The following PLEKHA1 variants were observed in gnomAD, a reference collection of about 807,000 sequenced individuals.
PLEKHA1 encodes pleckstrin homology domain containing A1, also known as pleckstrin homology domain-containing family A member 1.
Under a neutral mutation model 52.0 loss-of-function variants are expected in PLEKHA1, and 34 were observed. That is an observed-to-expected ratio of 0.65 (90% CI 0.50 to 0.87). The LOEUF is 0.87. PLEKHA1 is among the 40% of genes least tolerant of loss of function. The pLI is 0.00. For synonymous variants in PLEKHA1, 163 were observed against 170.7 expected (o/e 0.95, Z 0.35); for missense variants, 497 against 504.2 (o/e 0.99, Z 0.14).
intron 9 of PLEKHA1, 76 bp downstream of exon 9, chr10:122,424,339 T>TA: frequency 7.0e-7 from 1 of 1,427,858 alleles, no homozygotes; most frequent in African/African-American, 1.5e-5. Flanking sequence ...GTAATGTACT[T>TA]ACAGATTACA....
chr10:122,413,944 G>A (rs905159902), intron 6 of PLEKHA1, among the ~76,000 whole-genome samples: 1 of 152,022 alleles, frequency 6.6e-6, no homozygotes, highest in African/African-American at 2.4e-5. Flanking sequence ...TTTGCTACGG[G>A]AGGGTGATTA....
rs1265429342 is a variant in PLEKHA1, at chr10:122,424,277, C to G, written c.746+14C>G. The G allele has an allele frequency of 1.3e-6, 2 of 1,586,116 alleles. No homozygotes were observed. Among genetic ancestry groups the G allele is most frequent in the African/African-American group, 1.4e-5 (1 of 72,494 alleles). ...ATGTAAGCAAAGGTAAGGAACCGCTCTGACTTGATGCCTGGCACAAGTTAT... is the reference window on the plus strand; with the variant it reads ...ATGTAAGCAAAGGTAAGGAACCGCTGTGACTTGATGCCTGGCACAAGTTAT... On this transcript the variant is annotated intron_variant, in intron 9 of 11. Coordinates refer to ENST00000368990, the MANE Select transcript of PLEKHA1 (RefSeq NM_001001974.4).
rs1433653911 is a variant in PLEKHA1, at chr10:122,432,227, CAT to C, written c.*2290_*2291del. The C allele has an allele frequency of 2.6e-5, 4 of 152,134 alleles. No homozygotes were observed. Among genetic ancestry groups the C allele is most frequent in the South Asian group, 2.1e-4 (1 of 4,834 alleles). 9.4% of individuals were successfully genotyped at this position (152,134 alleles called of 1,614,324 possible). A position where few individuals can be genotyped will look rare whatever the true frequency, so the allele number is the denominator to read the frequency against. On this transcript the variant is annotated 3_prime_UTR_variant, in exon 12 of 12. Transcript: ENST00000368990. ...GCTGCATTTTTTTCCGTATATATAA[CAT>C]GTCTTCTTTCAGAATGGGAATATAT...
chr10:122,400,634 T>C (rs540764642), intron 4 of PLEKHA1, among the ~76,000 whole-genome samples: 3 of 152,334 alleles, frequency 2.0e-5, no homozygotes, highest in East Asian at 3.9e-4. Flanking sequence ...GTAACTGTTA[T>C]TTTGGCATTT....
At chr10:122,401,434 A>C (rs545750376) in intron 4 of PLEKHA1, among the ~76,000 whole-genome samples, 13 of 152,142 alleles carry the variant, frequency 8.5e-5, no homozygotes, top group African/African-American at 3.1e-4. Flanking sequence ...GGTGGTGGCA[A>C]TAGGAGAAGG....
chr10:122,381,932 A>C (rs555684946), intron 1 of PLEKHA1, among the ~76,000 whole-genome samples: 146 of 152,292 alleles, frequency 9.6e-4, no homozygotes, highest in Non-Finnish European at 1.9e-3. Context: ...TGGAGATAAC[A>C]GTCTGGAAGT....
chr10:122,380,880 G>C (rs2096605518), intron 1 of PLEKHA1, among the ~76,000 whole-genome samples: 1 of 152,102 alleles, frequency 6.6e-6, no homozygotes, highest in Non-Finnish European at 1.5e-5. Flanking sequence ...TTGCACTGAA[G>C]AGTTTTGAGC....
At chr10:122,420,250 A>G (rs1442791889) in intron 8 of PLEKHA1, 3 of 152,230 alleles carry the variant, frequency 2.0e-5, no homozygotes, top group African/African-American at 7.2e-5. Flanking sequence ...AACTATAACC[A>G]GTTTATCTTG....
rs1282395442 is a variant in PLEKHA1 at position 122,432,195 on chromosome 10, A to C, written c.*2257A>C. The C allele has an allele frequency of 6.6e-6, 1 of 152,200 alleles. No homozygotes were observed. Among genetic ancestry groups the C allele is most frequent in the African/African-American group, 2.4e-5 (1 of 41,456 alleles). The allele number at this position is 152,200 out of a possible 1,614,324, so 9.4% of individuals were successfully genotyped here. A position where few individuals can be genotyped will look rare whatever the true frequency, so the allele number is the denominator to read the frequency against. The stretch of plus-strand genomic sequence containing the variant: ...TCAAAAAAATTACTTTGAATACCTT[A>C]ATATTTGCTGCATTTTTTTCCGTAT... On this transcript the variant is annotated 3_prime_UTR_variant, in exon 12 of 12. Coordinates refer to ENST00000368990, the MANE Select transcript of PLEKHA1 (RefSeq NM_001001974.4).
rs199545902 is a variant in PLEKHA1, at chr10:122,402,136, C to CT, written c.244+1756dup. ...TATAATGCACATACTTTTGACAACC[C>CT]TTTTTTTTCTAAAATCTCAAACTTA... On this transcript the variant is annotated intron_variant, in intron 4 of 11. Transcript: ENST00000368990. Among the ~76,000 whole-genome samples the CT allele has an allele frequency of 5.7e-3, 867 of 151,934 alleles. 8 individuals carry two copies. Among genetic ancestry groups the CT allele is most frequent in the African/African-American group, 0.02 (828 of 41,424 alleles).
At chr10:122,390,673 T>G (rs1030413072) in intron 1 of PLEKHA1, among the ~76,000 whole-genome samples, 2 of 152,144 alleles carry the variant, frequency 1.3e-5, no homozygotes, top group African/African-American at 4.8e-5. Context: ...CCCACCTATT[T>G]GGGAGGCTGA....
chr10:122,417,205 T>C (rs1241002694), intron 7 of PLEKHA1: 1 of 152,156 alleles, frequency 6.6e-6, no homozygotes, highest in Non-Finnish European at 1.5e-5. Flanking sequence ...TATAAAGTAC[T>C]TGTGGAAGAA....
chr10:122,417,636 ACT>A (rs1321962547), intron 7 of PLEKHA1, among the ~76,000 whole-genome samples: 4 of 131,718 alleles, frequency 3.0e-5, no homozygotes, highest in South Asian at 2.5e-4. Context: ...ACAGAGCAAG[ACT>A]CTGTCTCAAA....
At chr10:122,428,733 G>A (rs998807291) in intron 11 of PLEKHA1, among the ~76,000 whole-genome samples, 1 of 152,090 alleles carries the variant, frequency 6.6e-6, no homozygotes, top group Non-Finnish European at 1.5e-5. Flanking sequence ...ACTATAGTTT[G>A]CATGGCATTT....
At chr10:122,383,313 G>GTTTTTTTTTTTTTTTTTTTT (rs58485855) in intron 1 of PLEKHA1, among the ~76,000 whole-genome samples, 3 of 128,390 alleles carry the variant, frequency 2.3e-5, no homozygotes, top group Non-Finnish European at 3.3e-5. Flanking sequence ...CTTTCTTTCT[G>GTTTTTTTTTTTTTTTTTTTT]TTTTTTTTTT....
chr10:122,403,843 C>G (rs2096966071), intron 4 of PLEKHA1, among the ~76,000 whole-genome samples: 2 of 152,126 alleles, frequency 1.3e-5, no homozygotes, highest in Non-Finnish European at 2.9e-5. Flanking sequence ...AGGTGCCCAC[C>G]ACCACGCCTG....
rs1023328645 is a variant in PLEKHA1, at chr10:122,402,131, C to G, written c.244+1743C>G. On this transcript the variant is annotated intron_variant, in intron 4 of 11. Transcript: ENST00000368990. The stretch of plus-strand genomic sequence containing the variant: ...GAATGTATAATGCACATACTTTTGA[C>G]AACCCTTTTTTTTCTAAAATCTCAA... Among the ~76,000 whole-genome samples the G allele has an allele frequency of 7.9e-5, 12 of 152,216 alleles. No homozygotes were observed. The East Asian group carries it at 1.3e-3, about 17-fold the overall frequency.
At position 122,406,814 on chromosome 10, in the gene PLEKHA1, G is replaced by A. The variant is rs1590653548; in HGVS notation, c.342+141G>A. 4.6e-5 allele frequency: 30 copies of A among 655,944 alleles called. No individual in the cohort carries two copies. In the South Asian group the frequency reaches 5.8e-4, roughly 13 times the overall value. 40.6% of individuals were successfully genotyped at this position (655,944 alleles called of 1,614,324 possible). A position where few individuals can be genotyped will look rare whatever the true frequency, so the allele number is the denominator to read the frequency against. On this transcript the variant is annotated intron_variant, in intron 5 of 11. Transcript: ENST00000368990. ...TTTAAAAGACAGGTGTTCAGAATGT[G>A]AATATGTTTTCTTGTACTTGGTGAC...
chr10:122,394,683 G>A (rs1212037465), intron 2 of PLEKHA1, among the ~76,000 whole-genome samples: 1 of 152,292 alleles, frequency 6.6e-6, no homozygotes, highest in East Asian at 1.9e-4. Flanking sequence ...ACTAATGTGT[G>A]TATGTTTATT....
Sources: gnomAD v4.1 joint callset for allele counts (sites outside exome capture counted in the v4.1 genomes callset) on GRCh38, gnomAD v4.1.1 for gene constraint, MANE v1.5 for transcripts, NCBI Gene and HGNC (gene_info 2026-07-23, HGNC 2026-07-21) for gene names.